Variants in FZD6 observed in about 807,000 individuals in gnomAD.
FZD6 encodes frizzled class receptor 6.
In FZD6, 49 loss-of-function variants were observed where a neutral mutation model predicts 61.4. The ratio of observed to expected loss-of-function variants is 0.80; its 90% CI spans 0.63 to 1.01. The LOEUF (loss-of-function observed/expected upper bound fraction) is 1.01, where lower values mean the gene tolerates loss of function less well. Among genes scored for constraint, FZD6 ranks in the 50% least tolerant of loss-of-function variants. The pLI is 0.00. For missense variants in FZD6, 724 were observed against 848.2 expected (o/e 0.85, Z 1.82); for synonymous variants, 265 against 292.2 (o/e 0.91, Z 0.95).
At chr8:103,312,788 T>C (rs958895941) in intron 2 of FZD6, among the ~76,000 whole-genome samples, 1 of 152,238 alleles carries the variant, frequency 6.6e-6, no homozygotes, top group African/African-American at 2.4e-5. Context: ...GTACTCCATA[T>C]GATGGAATAC....
intron 2 of FZD6, among the ~76,000 whole-genome samples, chr8:103,315,888 T>C (rs916794972): frequency 6.6e-6 from 1 of 152,230 alleles, no homozygotes; most frequent in African/African-American, 2.4e-5. Context: ...GCAGCCTCTT[T>C]GAACTGTTTT....
At chr8:103,331,128 G>T (rs576976412) in intron 6 of FZD6, among the ~76,000 whole-genome samples, 22 of 152,226 alleles carry the variant, frequency 1.4e-4, no homozygotes, top group Admixed American at 3.9e-4. Context: ...AGTGAGCTGA[G>T]ATCACGCTAT....
intron 2 of FZD6, among the ~76,000 whole-genome samples, chr8:103,312,561 G>C (rs1352057860): frequency 6.6e-6 from 1 of 152,180 alleles, no homozygotes; most frequent in East Asian, 1.9e-4. Context: ...ATAAAATTAA[G>C]GACATAAGAA....
In FZD6 at chr8:103,332,238, A is replaced by G. The variant is rs1815161785; in HGVS notation, c.*729A>G. On this transcript the variant is annotated 3_prime_UTR_variant, in exon 7 of 7. Transcript: ENST00000358755. ...CACTATTGATTGTATTATGCTGCTC[A>G]CTGATCCTTCTGCATATTTAAAATA... 6.6e-6 allele frequency: 1 copy of G among 152,192 alleles called. No homozygotes were observed. Among genetic ancestry groups the G allele is most frequent in the Non-Finnish European group, 1.5e-5 (1 of 68,046 alleles). 9.4% of individuals were successfully genotyped at this position (152,192 alleles called of 1,614,324 possible).
chr8:103,304,745 A>C (rs1814281869), intron 2 of FZD6, among the ~76,000 whole-genome samples: 1 of 152,226 alleles, frequency 6.6e-6, no homozygotes, highest in South Asian at 2.1e-4. Flanking sequence ...AAGTACTTGA[A>C]AATGTTTTAA....
At chr8:103,311,189 G>A (rs1348825036) in intron 2 of FZD6, among the ~76,000 whole-genome samples, 1 of 152,140 alleles carries the variant, frequency 6.6e-6, no homozygotes, top group Non-Finnish European at 1.5e-5. Flanking sequence ...CATTGTCACT[G>A]GATGCTTATT....
intron 5 of FZD6, among the ~76,000 whole-genome samples, chr8:103,329,013 T>TTTTATATATA (rs143400765): frequency 1.7e-5 from 2 of 115,178 alleles, no homozygotes; most frequent in African/African-American, 5.9e-5. Flanking sequence ...CATTTTAGTT[T>TTTTATATATA]TATATATATA....
intron 5 of FZD6, 23 bp from the exon 6 acceptor site, chr8:103,329,632 C>T (rs748486037): frequency 5.8e-6 from 9 of 1,558,016 alleles, no homozygotes; most frequent in Admixed American, 1.7e-5. Flanking sequence ...TTGAGTAAAT[C>T]CTCTCCTTCA....
At chr8:103,313,021 A>C (rs1051570544) in intron 2 of FZD6, among the ~76,000 whole-genome samples, 3 of 152,120 alleles carry the variant, frequency 2.0e-5, no homozygotes, top group African/African-American at 7.2e-5. Flanking sequence ...TCAGGGAGAA[A>C]TGGGTAGCAG....
chr8:103,300,158 A>AG lies in FZD6; in HGVS notation c.54dup (p.His19AlafsTer7). On this transcript the variant is annotated frameshift_variant, in exon 2 of 7. Coordinates refer to ENST00000358755, the MANE Select transcript of FZD6 (RefSeq NM_003506.4). LOFTEE classifies it high-confidence loss of function. The stretch of plus-strand genomic sequence containing the variant: ...CGTGTATTTTTCTACCCCTCCTAAG[A>AG]GGGCACAGTCTCTTCACCTGTGAAC... 1 of 1,604,014 alleles carries AG rather than the reference A, an allele frequency of 6.2e-7. No homozygotes were observed.
intron 4 of FZD6, among the ~76,000 whole-genome samples, chr8:103,327,369 C>T (rs1229625784): frequency 2.6e-5 from 4 of 152,076 alleles, no homozygotes; most frequent in Admixed American, 6.5e-5. Context: ...CTGAGGAGGG[C>T]GGATTGCCTG....
At chr8:103,324,185 CAG>C (rs1337270734) in intron 3 of FZD6, among the ~76,000 whole-genome samples, 1 of 152,074 alleles carries the variant, frequency 6.6e-6, no homozygotes, top group Non-Finnish European at 1.5e-5. Context: ...GTCTTAAAAA[CAG>C]AAATTATTTT....
rs1814901882 is a variant in FZD6 at position 103,324,969 on chromosome 8, T to C, written c.863T>C (p.Leu288Pro). 3.1e-6 allele frequency: 5 copies of C among 1,614,064 alleles called. No individual in the cohort carries two copies. The highest frequency in any genetic ancestry group is 3.4e-6 in the Non-Finnish European group (4 of 1,180,030). Residue 288 changes from leucine (L) to proline (P), a missense_variant, in exon 4 of 7, where the codon CTT becomes CCT. Coordinates refer to ENST00000358755, the MANE Select transcript of FZD6 (RefSeq NM_003506.4). ...AAGGCTTGCACCGTTTTGTTCATGC[T>C]TTTGTATTTTTTCACAATGGCTGGC... ...QNKACTVLFM[L>P]LYFFTMAGTV...
rs893947591 is a variant in FZD6 at position 103,324,768 on chromosome 8, T to A, written c.662T>A (p.Leu221Ter). 25 of 1,613,880 alleles carry A rather than the reference T, an allele frequency of 1.5e-5. No individual in the cohort carries two copies. Among genetic ancestry groups the A allele is most frequent in the African/African-American group, 5.3e-5 (4 of 74,954 alleles). ...ACTCTGTTCACATTCCTTACTTTTTTAATTGATGTTAGAAGATTCAGATAC... is the reference window on the plus strand; with the variant it reads ...ACTCTGTTCACATTCCTTACTTTTTAAATTGATGTTAGAAGATTCAGATAC... ...CATLFTFLTFLIDVRRFRYPE... is the reference protein window; with the variant it reads ...CATLFTFLTF The change falls in exon 4 of 7, where the codon TTA becomes TAA. Residue 221 changes from leucine to a stop codon, truncating the protein, a stop_gained. Coordinates refer to ENST00000358755, the MANE Select transcript of FZD6 (RefSeq NM_003506.4). LOFTEE classifies it high-confidence loss of function.
chr8:103,324,239 T>G (rs1814872728), intron 3 of FZD6, among the ~76,000 whole-genome samples: 1 of 152,162 alleles, frequency 6.6e-6, no homozygotes. Context: ...AAGTGCATTT[T>G]CATGTTCACC....
chr8:103,329,953 G>C lies in FZD6; in HGVS notation c.1840G>C (p.Asp614His), dbSNP rs746927610. 4 of 1,614,148 alleles carry C rather than the reference G, an allele frequency of 2.5e-6. No individual in the cohort carries two copies. The highest frequency in any genetic ancestry group is 3.4e-6 in the Non-Finnish European group (4 of 1,179,980). Residue 614 changes from aspartate to histidine, a missense_variant, in exon 6 of 7, where the codon GAC (aspartate) becomes CAC (histidine). Asp to His is a moderately conservative substitution (Grantham distance 81). Transcript: ENST00000358755. Reference protein sequence around the residue: ...GASTPRLREQDCGEPASPAAS... With the variant: ...GASTPRLREQHCGEPASPAAS... ...TAGCACCCCCAGGTTAAGAGAACAG[G>C]ACTGTGGTGAACCTGCCTCGCCAGC...
intron 3 of FZD6, among the ~76,000 whole-genome samples, chr8:103,319,158 C>G (rs935949167): frequency 1.3e-5 from 2 of 151,940 alleles, no homozygotes; most frequent in Non-Finnish European, 2.9e-5. Context: ...AGCTAAAGTA[C>G]GAAGGGTAAG....
chr8:103,299,719 T>C (rs991001756), intron 1 of FZD6, among the ~76,000 whole-genome samples: 3 of 152,204 alleles, frequency 2.0e-5, no homozygotes, highest in Middle Eastern at 3.2e-3. Context: ...TTCCCTCTTT[T>C]TAACCCTGTC....
chr8:103,312,318 T>G (rs1354479376), intron 2 of FZD6, among the ~76,000 whole-genome samples: 14 of 152,230 alleles, frequency 9.2e-5, no homozygotes, highest in Admixed American at 9.2e-4. Context: ...GATGAGTTTT[T>G]TGAGAATGAA....
Sources: allele counts gnomAD v4.1 joint callset (sites outside exome capture counted in the v4.1 genomes callset), GRCh38; gene constraint gnomAD v4.1.1; transcripts MANE v1.5; gene names NCBI Gene and HGNC (gene_info 2026-07-23, HGNC 2026-07-21).